PRKAR1B: variants seen among roughly 807,000 people sequenced by gnomAD.
PRKAR1B encodes protein kinase cAMP-dependent type I regulatory subunit beta, also known as cAMP-dependent protein kinase type I-beta regulatory subunit.
A neutral mutation model predicts 46.5 loss-of-function variants in PRKAR1B; 22 were observed. That is an observed-to-expected ratio of 0.47 (90% CI 0.34 to 0.68). The LOEUF is 0.68. Among genes scored for constraint, PRKAR1B ranks in the 30% least tolerant of loss-of-function variants. The pLI, the probability that PRKAR1B is intolerant of heterozygous loss-of-function variation, is 0.01. For missense variants in PRKAR1B, 445 were observed against 535.6 expected, an observed-to-expected ratio of 0.83 and a Z score of 1.67; for synonymous variants, 259 against 217.7, an observed-to-expected ratio of 1.19 and a Z score of -1.67.
chr7:659,445 A>C (rs1785385354), intron 4 of PRKAR1B, among the ~76,000 whole-genome samples: 1 of 152,210 alleles, frequency 6.6e-6, no homozygotes, highest in Non-Finnish European at 1.5e-5. Flanking sequence ...AGTGACCACG[A>C]AAGGGGGAGA....
At chr7:648,642 G>T (rs760786812) in intron 4 of PRKAR1B, among the ~76,000 whole-genome samples, 42 of 151,852 alleles carry the variant, frequency 2.8e-4, no homozygotes, top group South Asian at 1.0e-3. Flanking sequence ...AATTAGCCAG[G>T]CGTGGTGGCA....
chr7:696,014 G>A (rs1270619366), intron 2 of PRKAR1B, among the ~76,000 whole-genome samples: 3 of 144,504 alleles, frequency 2.1e-5, no homozygotes, highest in South Asian at 4.5e-4. Flanking sequence ...TGTCACCCAG[G>A]CTGGAGTATA....
At chr7:568,875 G>A (rs989268827) in intron 9 of PRKAR1B, among the ~76,000 whole-genome samples, 4 of 152,072 alleles carry the variant, frequency 2.6e-5, no homozygotes, top group Admixed American at 6.5e-5. Flanking sequence ...CCTGCGCGGC[G>A]GTGCCCCGAG....
In PRKAR1B at chr7:575,607, G is replaced by A. The variant is rs552867313; in HGVS notation, c.891+3649C>T. ...GTTGCCCAGGCTGGAGTGCAATGGC[G>A]CAATCATAGCTCACTGTAGCCTTGA... is the stretch of plus-strand genomic sequence containing the variant. On this transcript the variant is annotated intron_variant, in intron 9 of 10. Transcript: ENST00000537384. Among the ~76,000 whole-genome samples, 21 of 151,930 alleles carry A rather than the reference G, an allele frequency of 1.4e-4. 1 individual carries two copies. In the South Asian group the frequency reaches 2.7e-3, roughly 20 times the overall value.
intron 4 of PRKAR1B, among the ~76,000 whole-genome samples, chr7:649,133 C>CA (rs1249525616): frequency 6.6e-6 from 1 of 152,168 alleles, no homozygotes; most frequent in Admixed American, 6.5e-5. Context: ...CACTGCACTC[C>CA]AGCCTGGGTG....
At chr7:583,742 A>G (rs1194670389) in intron 8 of PRKAR1B, among the ~76,000 whole-genome samples, 3 of 148,778 alleles carry the variant, frequency 2.0e-5, no homozygotes, top group Admixed American at 6.7e-5. Context: ...ACATGCACAC[A>G]CCCATGCATG....
At chr7:685,233 C>A (rs559993875) in intron 2 of PRKAR1B, among the ~76,000 whole-genome samples, 4 of 118,462 alleles carry the variant, frequency 3.4e-5, no homozygotes, top group African/African-American at 1.2e-4. Context: ...TATATATATA[C>A]ACACACATAT....
chr7:572,907 C>T lies in PRKAR1B; in HGVS notation c.891+6349G>A, dbSNP rs541928218. 2.8e-4 allele frequency among the ~76,000 whole-genome samples: 42 copies of T among 152,340 alleles called. No homozygotes were observed. The South Asian group carries it at 3.3e-3, about 12-fold the overall frequency. On this transcript the variant is annotated intron_variant, in intron 9 of 10. Coordinates refer to ENST00000537384, the MANE Select transcript of PRKAR1B (RefSeq NM_001164760.2). The stretch of plus-strand genomic sequence containing the variant: ...ACAGTGAGCAGACAGGGCAGGACGC[C>T]GGCCCCAGGGAGAGCGAGGGACCGG...
intron 4 of PRKAR1B, among the ~76,000 whole-genome samples, chr7:670,247 C>T (rs763795392): frequency 1.3e-5 from 2 of 152,158 alleles, no homozygotes; most frequent in African/African-American, 2.4e-5. Flanking sequence ...GATGGAGCTA[C>T]AAGTTCATGA....
At chr7:725,263 G>A (rs1049240500) in intron 1 of PRKAR1B, among the ~76,000 whole-genome samples, 5 of 149,818 alleles carry the variant, frequency 3.3e-5, no homozygotes, top group African/African-American at 1.2e-4. Flanking sequence ...TTTGCAACAC[G>A]AAGATCAACA....
chr7:696,301 C>T (rs1779736801), intron 2 of PRKAR1B, among the ~76,000 whole-genome samples: 1 of 145,586 alleles, frequency 6.9e-6, no homozygotes, highest in Non-Finnish European at 1.5e-5. Context: ...GATGGAGTTT[C>T]ACTCTTGTTG....
chr7:723,802 G>A (rs1781157518), intron 1 of PRKAR1B, among the ~76,000 whole-genome samples: 2 of 152,180 alleles, frequency 1.3e-5, no homozygotes, highest in Non-Finnish European at 2.9e-5. Context: ...GCTCCCCTGT[G>A]ACCAGGGTCA....
intron 8 of PRKAR1B, among the ~76,000 whole-genome samples, chr7:579,761 A>G (rs548113935): frequency 3.9e-5 from 6 of 152,364 alleles, no homozygotes; most frequent in African/African-American, 1.2e-4. Context: ...TTTGCAAACA[A>G]TGGAGTCCCA....
At chr7:600,177 G>T (rs1435152766) in intron 6 of PRKAR1B, among the ~76,000 whole-genome samples, 1 of 152,220 alleles carries the variant, frequency 6.6e-6, no homozygotes, top group Non-Finnish European at 1.5e-5. Context: ...TGCACAAAAT[G>T]GTTAGAATGG....
chr7:665,008 A>G (rs1220405665), intron 4 of PRKAR1B, among the ~76,000 whole-genome samples: 1 of 152,004 alleles, frequency 6.6e-6, no homozygotes, highest in Non-Finnish European at 1.5e-5. Context: ...GTGGTAAGAA[A>G]GACCTGAGGT....
intron 9 of PRKAR1B, among the ~76,000 whole-genome samples, chr7:553,288 G>C (rs1369105861): frequency 6.6e-6 from 1 of 152,232 alleles, no homozygotes; most frequent in East Asian, 1.9e-4. Context: ...AGCAGGTGTT[G>C]ATGAATGTAG....
chr7:667,898 G>C lies in PRKAR1B; in HGVS notation c.440+9331C>G, dbSNP rs577524801. On this transcript the variant is annotated intron_variant, in intron 4 of 10. Transcript: ENST00000537384. The surrounding 1 kb of genome is among the most constrained non-coding windows in gnomAD (Gnocchi z 4.3). ...AAGGACAGGCAGGCGGTCTGGGGGAGTTGCAGCCTCCCTCACAACCACGTT... is the reference window on the plus strand; with the variant it reads ...AAGGACAGGCAGGCGGTCTGGGGGACTTGCAGCCTCCCTCACAACCACGTT... Among the ~76,000 whole-genome samples, 1 of 152,338 alleles carries C rather than the reference G, an allele frequency of 6.6e-6. No homozygotes were observed. The highest frequency in any genetic ancestry group is 1.5e-5 in the Non-Finnish European group (1 of 68,032).
chr7:579,658 C>T (rs1303873511), intron 8 of PRKAR1B, among the ~76,000 whole-genome samples: 3 of 152,218 alleles, frequency 2.0e-5, no homozygotes, highest in African/African-American at 7.2e-5. Flanking sequence ...TTATCCCTGG[C>T]TTAATGTAAA....
At chr7:557,046 CA>C (rs1329886554) in intron 9 of PRKAR1B, among the ~76,000 whole-genome samples, 1 of 152,338 alleles carries the variant, frequency 6.6e-6, no homozygotes, top group South Asian at 2.1e-4. Flanking sequence ...CGGCCCCTCC[CA>C]CCCCCGGCCT....
Sources: allele counts gnomAD v4.1 joint callset (sites outside exome capture counted in the v4.1 genomes callset), GRCh38; gene constraint gnomAD v4.1.1; non-coding constraint Gnocchi (gnomAD v3.1); transcripts MANE v1.5; gene names NCBI Gene and HGNC (gene_info 2026-07-23, HGNC 2026-07-21).